The following EXOC4 variants were observed in gnomAD, a reference collection of about 807,000 sequenced individuals.
EXOC4 encodes SEC8-like 1.
Under a neutral mutation model 107.2 loss-of-function variants are expected in EXOC4, and 71 were observed. The ratio of observed to expected loss-of-function variants is 0.66; its 90% CI spans 0.55 to 0.81. EXOC4 has a LOEUF of 0.81. Ranked by LOEUF, EXOC4 falls within the 30% of genes least tolerant of loss-of-function variation. EXOC4 has a pLI of 0.00. For missense variants in EXOC4, 1,108 were observed against 1,189.6 expected, an observed-to-expected ratio of 0.93 and a Z score of 1.01; for synonymous variants, 456 against 441.2, an observed-to-expected ratio of 1.03 and a Z score of -0.42.
At chr7:133,840,880 T>C (rs1401520917) in intron 11 of EXOC4, among the ~76,000 whole-genome samples, 5 of 152,190 alleles carry the variant, frequency 3.3e-5, no homozygotes, top group Non-Finnish European at 7.3e-5. Context: ...CTTAAATGTG[T>C]TATGTTGTAT....
At chr7:133,436,331 G>C (rs2150783526) in intron 7 of EXOC4, among the ~76,000 whole-genome samples, 1 of 152,136 alleles carries the variant, frequency 6.6e-6, no homozygotes, top group African/African-American at 2.4e-5. Context: ...TTAGGCCAGA[G>C]CTATCATTAC....
At chr7:133,385,985 G>T (rs1373979404) in intron 7 of EXOC4, among the ~76,000 whole-genome samples, 1 of 151,524 alleles carries the variant, frequency 6.6e-6, no homozygotes, top group Non-Finnish European at 1.5e-5. Flanking sequence ...ATGTGTTTAT[G>T]TATTCATGTA....
rs191535836 is a variant in EXOC4, at chr7:133,332,921, T to C, written c.763+15531T>C. 3.0e-3 allele frequency among the ~76,000 whole-genome samples: 464 copies of C among 152,324 alleles called. 3 individuals are homozygous for C. Among genetic ancestry groups the C allele is most frequent in the African/African-American group, 0.01 (433 of 41,584 alleles). ...GAAGTTATAGATTATATTTTTGTTC[T>C]TTTAGATTTTAACCTTAATTTTTAG... On this transcript the variant is annotated intron_variant, in intron 5 of 17. Coordinates refer to ENST00000253861, the MANE Select transcript of EXOC4 (RefSeq NM_021807.4).
chr7:133,797,437 A>G (rs1796840481), intron 10 of EXOC4, among the ~76,000 whole-genome samples: 2 of 152,310 alleles, frequency 1.3e-5, no homozygotes, highest in South Asian at 2.1e-4. Flanking sequence ...TCAAAGATCA[A>G]TCTTAATGAG....
chr7:134,087,044 C>G, the EXOC4 span, among the ~76,000 whole-genome samples: 60 of 152,282 alleles, frequency 3.9e-4, 1 homozygote, highest in South Asian at 0.012. Context: ...TCAGCAAGGA[C>G]TTTATGACCT....
chr7:133,825,557 C>T (rs983159842), intron 11 of EXOC4, among the ~76,000 whole-genome samples: 4 of 152,124 alleles, frequency 2.6e-5, no homozygotes, highest in African/African-American at 9.7e-5. Flanking sequence ...TACTGCTGCC[C>T]AAACCTATTA....
intron 10 of EXOC4, among the ~76,000 whole-genome samples, chr7:133,672,496 T>C (rs1793970504): frequency 6.6e-6 from 1 of 152,124 alleles, no homozygotes; most frequent in African/African-American, 2.4e-5. Flanking sequence ...TGGTTACTTA[T>C]TGCTTGGCAT....
intron 10 of EXOC4, among the ~76,000 whole-genome samples, chr7:133,631,294 T>G (rs527565154): frequency 3.9e-5 from 6 of 152,234 alleles, no homozygotes; most frequent in African/African-American, 1.4e-4. Flanking sequence ...GTTAAACAAA[T>G]GCTGTTGAAT....
At chr7:133,435,518 G>A (rs1337929213) in intron 7 of EXOC4, among the ~76,000 whole-genome samples, 1 of 152,188 alleles carries the variant, frequency 6.6e-6, no homozygotes, top group Non-Finnish European at 1.5e-5. Context: ...TCATGCACAT[G>A]AATTCTCAGC....
the EXOC4 span, among the ~76,000 whole-genome samples, chr7:134,085,526 T>C: frequency 3.9e-5 from 6 of 152,306 alleles, no homozygotes; most frequent in African/African-American, 1.4e-4. Context: ...AGCTCTGCAA[T>C]TATGGAAGCT....
intron 9 of EXOC4, among the ~76,000 whole-genome samples, chr7:133,620,889 A>G (rs998123538): frequency 3.3e-5 from 5 of 152,240 alleles, no homozygotes; most frequent in Non-Finnish European, 7.3e-5. Context: ...GAGTTGTAGG[A>G]TAATGTCACA....
intron 5 of EXOC4, among the ~76,000 whole-genome samples, chr7:133,347,430 G>C (rs1795810174): frequency 6.6e-6 from 1 of 151,698 alleles, no homozygotes; most frequent in Non-Finnish European, 1.5e-5. Context: ...TTTTAGTAGA[G>C]ATGGGGTTTC....
At chr7:133,733,247 C>T (rs1795366496) in intron 10 of EXOC4, 1 of 152,490 alleles carries the variant, frequency 6.6e-6, no homozygotes, top group Admixed American at 6.5e-5. Context: ...GTAATCCCAA[C>T]ACTTCGGGAA....
At chr7:133,537,153 A>AT (rs142415052) in intron 9 of EXOC4, among the ~76,000 whole-genome samples, 6,651 of 149,440 alleles carry the variant, frequency 0.045, 513 homozygotes, top group African/African-American at 0.15. Flanking sequence ...ATATATCTTG[A>AT]TTTTTTTTTT....
intron 11 of EXOC4, among the ~76,000 whole-genome samples, chr7:133,842,892 A>G (rs926717856): frequency 5.9e-5 from 9 of 152,188 alleles, no homozygotes; most frequent in Non-Finnish European, 7.4e-5. Context: ...TTTATCGAAT[A>G]GGGAGTCCAT....
In EXOC4 at chr7:133,356,443, C is replaced by G; in HGVS notation, c.877C>G (p.Pro293Ala). The G allele has an allele frequency of 6.2e-7, 1 of 1,614,088 alleles. No individual in the cohort carries two copies. Among genetic ancestry groups the G allele is most frequent in the Non-Finnish European group, 8.5e-7 (1 of 1,180,016 alleles). ...GGGCTTGGCGAAACTGAAGAAGATC[C>G]CAGAAACAGTTAAGGCAATCATAGA... Reference protein sequence around the residue: ...IKGLAKLKKIPETVKAIIERL... With the variant: ...IKGLAKLKKIAETVKAIIERL... The change falls in exon 6 of 18, where the codon CCA (proline) becomes GCA (alanine). Residue 293 changes from proline (P) to alanine (A), a missense_variant. Pro to Ala is a conservative substitution (Grantham distance 27, BLOSUM62 -1). Transcript: ENST00000253861.
chr7:133,826,216 G>A (rs977894926), intron 11 of EXOC4, among the ~76,000 whole-genome samples: 1 of 151,872 alleles, frequency 6.6e-6, no homozygotes, highest in African/African-American at 2.4e-5. Context: ...GAGACTTTTG[G>A]GATCTGATAA....
chr7:134,008,352 A>G (rs1313619980), intron 17 of EXOC4, among the ~76,000 whole-genome samples: 3 of 152,086 alleles, frequency 2.0e-5, no homozygotes, highest in South Asian at 2.1e-4. Flanking sequence ...TGAAAACATA[A>G]TTTTTCCACG....
chr7:133,298,236 T>A (rs1166376579), intron 3 of EXOC4, among the ~76,000 whole-genome samples: 2 of 152,166 alleles, frequency 1.3e-5, no homozygotes, highest in African/African-American at 4.8e-5. Flanking sequence ...CTTTGTGGGA[T>A]TTTAATAGTT....
Sources: gnomAD v4.1 joint callset for allele counts (sites outside exome capture counted in the v4.1 genomes callset) on GRCh38, gnomAD v4.1.1 for gene constraint, MANE v1.5 for transcripts, NCBI Gene and HGNC (gene_info 2026-07-23, HGNC 2026-07-21) for gene names.